The following COBLL1 variants were observed in gnomAD, a reference collection of about 807,000 sequenced individuals.
The protein encoded by COBLL1 is cordon-bleu protein-like 1.
In COBLL1, 50 loss-of-function variants were observed where a neutral mutation model predicts 94.8. The ratio of observed to expected loss-of-function variants is 0.53; its 90% CI spans 0.42 to 0.67. COBLL1 has a LOEUF of 0.67. Among genes scored for constraint, COBLL1 ranks in the 30% least tolerant of loss-of-function variants. COBLL1 has a pLI of 0.00. For missense variants in COBLL1, 1,362 were observed against 1,348.7 expected (o/e 1.01, Z -0.15); for synonymous variants, 448 against 473.8 (o/e 0.95, Z 0.71).
chr2:164,796,040 T>G (rs1683434529), intron 2 of COBLL1, among the ~76,000 whole-genome samples: 1 of 152,134 alleles, frequency 6.6e-6, no homozygotes, highest in Admixed American at 6.5e-5. Flanking sequence ...CTAGTTGAAA[T>G]CTACTTAACT....
At chr2:164,725,101 G>GAGATATATATATATATATATAT in intron 5 of COBLL1, 1 of 76,304 alleles carries the variant, frequency 1.3e-5, no homozygotes, top group African/African-American at 5.6e-5. Context: ...TACCCTGCAG[G>GAGATATATATATATATATATAT]ATATATATAT....
At chr2:164,812,275 A>C (rs1414694560) in intron 2 of COBLL1, among the ~76,000 whole-genome samples, 1 of 152,042 alleles carries the variant, frequency 6.6e-6, no homozygotes, top group African/African-American at 2.4e-5. Flanking sequence ...TATAGGATTT[A>C]AATATCACTA....
intron 13 of COBLL1, among the ~76,000 whole-genome samples, chr2:164,688,584 G>A (rs966982639): frequency 6.6e-6 from 1 of 151,934 alleles, no homozygotes; most frequent in Non-Finnish European, 1.5e-5. Context: ...AGCATTTTTA[G>A]GAATTTCACA....
downstream of COBLL1, among the ~76,000 whole-genome samples, chr2:164,677,406 G>C (rs1425150922): frequency 6.6e-6 from 1 of 152,144 alleles, no homozygotes; most frequent in Non-Finnish European, 1.5e-5. Flanking sequence ...GTACTGGTAG[G>C]AACAAGATCA....
chr2:164,779,767 T>C (rs563002038), intron 2 of COBLL1: 1 of 470,750 alleles, frequency 2.1e-6, no homozygotes, highest in African/African-American at 2.0e-5. Context: ...TTCATCAGCC[T>C]CTGTCCCAAT....
intron 3 of COBLL1, among the ~76,000 whole-genome samples, chr2:164,735,286 A>G (rs535009666): frequency 4.1e-4 from 63 of 152,324 alleles, no homozygotes; most frequent in African/African-American, 1.5e-3. Flanking sequence ...TGTTGAGAGG[A>G]GGTTCATATG....
chr2:164,802,123 ACT>A (rs1193681580), intron 2 of COBLL1, among the ~76,000 whole-genome samples: 3 of 152,214 alleles, frequency 2.0e-5, no homozygotes, highest in African/African-American at 7.2e-5. Flanking sequence ...TATTTAGTCA[ACT>A]CTCAAATTAG....
intron 2 of COBLL1, among the ~76,000 whole-genome samples, chr2:164,767,521 C>T (rs1687991652): frequency 7.1e-6 from 1 of 140,888 alleles, no homozygotes; most frequent in Admixed American, 6.8e-5. Flanking sequence ...AGAGTGAAAG[C>T]TTTATTTTTT....
At chr2:164,745,526 G>T (rs1686817088) in intron 2 of COBLL1, among the ~76,000 whole-genome samples, 1 of 152,124 alleles carries the variant, frequency 6.6e-6, no homozygotes, top group Non-Finnish European at 1.5e-5. Flanking sequence ...ACACAGGAAA[G>T]GTAAAGATGA....
intron 2 of COBLL1, among the ~76,000 whole-genome samples, chr2:164,799,264 A>G (rs1377309497): frequency 6.6e-6 from 1 of 152,188 alleles, no homozygotes; most frequent in East Asian, 1.9e-4. Flanking sequence ...CTCAAGGCCA[A>G]GTAAAGAGAA....
upstream of COBLL1, chr2:164,841,862 G>C: frequency 1.1e-6 from 1 of 899,846 alleles, no homozygotes; most frequent in Non-Finnish European, 1.7e-6. This position sits in a 1 kb window ranked among gnomAD's most constrained non-coding sequence, Gnocchi z 5.5. Context: ...GCCCAGCGCG[G>C]GCAGGGCCGA....
chr2:164,730,532 A>G (rs1352716156), intron 3 of COBLL1, among the ~76,000 whole-genome samples: 4 of 152,070 alleles, frequency 2.6e-5, no homozygotes, highest in African/African-American at 9.7e-5. Flanking sequence ...AACAACAACA[A>G]CAACAAAAAT....
intron 12 of COBLL1, 23 bp from the exon 13 acceptor site, chr2:164,692,420 T>C: frequency 6.4e-7 from 1 of 1,565,374 alleles, no homozygotes; most frequent in Non-Finnish European, 8.7e-7. Context: ...ATGTGAAATA[T>C]TTATATGAAT....
intron 2 of COBLL1, among the ~76,000 whole-genome samples, chr2:164,795,573 T>C (rs1012086061): frequency 6.6e-6 from 1 of 152,182 alleles, no homozygotes; most frequent in African/African-American, 2.4e-5. Flanking sequence ...GTAAGCTATG[T>C]CTTCATCACA....
intron 2 of COBLL1, among the ~76,000 whole-genome samples, chr2:164,825,865 T>C (rs1244407265): frequency 6.6e-6 from 1 of 152,202 alleles, no homozygotes; most frequent in Non-Finnish European, 1.5e-5. Flanking sequence ...ATAACTGAAG[T>C]CAGCTTCTTG....
intron 1 of COBLL1, among the ~76,000 whole-genome samples, chr2:164,670,902 A>G (rs1298030363): frequency 6.6e-6 from 1 of 152,248 alleles, no homozygotes; most frequent in Non-Finnish European, 1.5e-5. Context: ...TTCATGGTCA[A>G]TTGACATTTA....
intron 2 of COBLL1, among the ~76,000 whole-genome samples, chr2:164,754,587 G>A (rs954654111): frequency 6.6e-6 from 1 of 152,106 alleles, no homozygotes; most frequent in Admixed American, 6.5e-5. Flanking sequence ...CACTCAACCA[G>A]CAAACTAGAG....
At chr2:164,803,586 TAAAATA>T (rs1690143496) in intron 2 of COBLL1, among the ~76,000 whole-genome samples, 2 of 115,864 alleles carry the variant, frequency 1.7e-5, no homozygotes, top group South Asian at 2.4e-4. Context: ...AATAAATAAA[TAAAATA>T]AAATAAAATA....
rs201030529 is a variant in COBLL1, at chr2:164,756,455, A to AT, written c.42-12581dup. On this transcript the variant is annotated intron_variant, in intron 2 of 13. Coordinates refer to ENST00000652658, the MANE Select transcript of COBLL1 (RefSeq NM_001365672.2). ...TTTCAATTCCAAAACCCTGGTTTCTATTTTTTGTTTTGCTTATAATATCTA... is the reference window on the plus strand; with the variant it reads ...TTTCAATTCCAAAACCCTGGTTTCTATTTTTTTGTTTTGCTTATAATATCTA... Among the ~76,000 whole-genome samples, 446 of 152,192 alleles carry AT rather than the reference A, an allele frequency of 2.9e-3. 1 individual carries two copies. Among genetic ancestry groups the AT allele is most frequent in the African/African-American group, 9.8e-3 (408 of 41,536 alleles).
Sources: allele counts gnomAD v4.1 joint callset (sites outside exome capture counted in the v4.1 genomes callset), GRCh38; gene constraint gnomAD v4.1.1; non-coding constraint Gnocchi (gnomAD v3.1); transcripts MANE v1.5; gene names NCBI Gene and HGNC (gene_info 2026-07-23, HGNC 2026-07-21).